Variants in SLC45A2 observed in about 807,000 individuals in gnomAD.
SLC45A2 encodes solute carrier family 45 member 2.
Under a neutral mutation model 45.5 loss-of-function variants are expected in SLC45A2, and 36 were observed. The ratio of observed to expected loss-of-function variants is 0.79; its 90% confidence interval spans 0.61 to 1.04. SLC45A2 has a LOEUF of 1.04. SLC45A2 is among the 50% of genes least tolerant of loss of function. The probability of loss-of-function intolerance (pLI) is 0.00; values close to 1 mark genes in which losing one functional copy is unlikely to be tolerated. For synonymous variants in SLC45A2, 306 were observed against 269.3 expected (o/e 1.14, Z -1.33); for missense variants, 719 against 671.0 (o/e 1.07, Z -0.79).
chr5:33,960,403 T>C (rs1021306524), intron 3 of SLC45A2, among the ~76,000 whole-genome samples: 1 of 152,142 alleles, frequency 6.6e-6, no homozygotes, highest in Non-Finnish European at 1.5e-5. Flanking sequence ...GTATCTTTTA[T>C]ATATATGATG....
rs928524065 is a variant in SLC45A2 at position 33,946,355 on chromosome 5, G to A, written c.1368+808C>T. On this transcript the variant is annotated intron_variant, in intron 6 of 6. Coordinates refer to ENST00000296589, the MANE Select transcript of SLC45A2 (RefSeq NM_016180.5). ...ACATGGCCAGAATTATAGTCTGATG[G>A]TTATATGTTCAGTGTTTTTGCAGTT... is the stretch of plus-strand genomic sequence containing the variant. 1.1e-4 allele frequency: 111 copies of A among 985,306 alleles called. 1 individual carries two copies. The highest frequency in any genetic ancestry group is 6.2e-5 in the Admixed American group (1 of 16,260). 61.0% of individuals were successfully genotyped at this position (985,306 alleles called of 1,614,324 possible).
chr5:33,981,010 G>A (rs900533059), intron 2 of SLC45A2, among the ~76,000 whole-genome samples: 34 of 152,144 alleles, frequency 2.2e-4, no homozygotes, highest in Admixed American at 1.8e-3. Flanking sequence ...ACAGAAGGAC[G>A]CCAGCGGGGT....
chr5:33,970,971 C>T (rs1309085580), intron 2 of SLC45A2: 2 of 483,566 alleles, frequency 4.1e-6, no homozygotes, highest in East Asian at 6.2e-5. Flanking sequence ...AAAGAATTTA[C>T]CAAACCGTAT....
At chr5:33,964,190 G>T (rs1454682009) in intron 2 of SLC45A2, among the ~76,000 whole-genome samples, 174 bp from the exon 3 acceptor site, 1 of 152,294 alleles carries the variant, frequency 6.6e-6, no homozygotes, top group East Asian at 1.9e-4. Context: ...GGCAATGTGG[G>T]TTCAAGTTTT....
At chr5:33,975,219 A>G (rs2111995485) in intron 2 of SLC45A2, among the ~76,000 whole-genome samples, 2 of 152,350 alleles carry the variant, frequency 1.3e-5, no homozygotes, top group South Asian at 4.1e-4. Flanking sequence ...TTAAATGAGC[A>G]TATTTGTCTA....
rs10067723 is a variant in SLC45A2 at position 33,947,936 on chromosome 5, C to T, written c.1157-562G>A. On this transcript the variant is annotated intron_variant, in intron 5 of 6. Transcript: ENST00000296589. ...GTACAATTATCTGAAGACACCTTCC[C>T]TGACTTGCCAATCCTTCCCAGACTG... Among the ~76,000 whole-genome samples the T allele has an allele frequency of 7.5e-3, 1,143 of 152,346 alleles. 14 individuals are homozygous for T. Among genetic ancestry groups the T allele is most frequent in the African/African-American group, 0.026 (1,082 of 41,574 alleles).
chr5:33,953,588 C>G (rs1459817245), intron 4 of SLC45A2, among the ~76,000 whole-genome samples: 1 of 149,212 alleles, frequency 6.7e-6, no homozygotes, highest in East Asian at 2.0e-4. Context: ...ACAACCGGTA[C>G]CAGCCGCTGC....
chr5:33,979,134 T>C (rs1753005226), intron 2 of SLC45A2, among the ~76,000 whole-genome samples: 1 of 152,210 alleles, frequency 6.6e-6, no homozygotes, highest in Non-Finnish European at 1.5e-5. Flanking sequence ...TCCTGAAACA[T>C]GTGCCCAAGG....
At chr5:33,964,394 A>G (rs1752543546) in intron 2 of SLC45A2, among the ~76,000 whole-genome samples, 1 of 152,248 alleles carries the variant, frequency 6.6e-6, no homozygotes, top group African/African-American at 2.4e-5. Flanking sequence ...TGCATTCTCT[A>G]GACTGCTTTT....
At chr5:33,957,729 C>T (rs1182853981) in intron 3 of SLC45A2, among the ~76,000 whole-genome samples, 1 of 152,174 alleles carries the variant, frequency 6.6e-6, no homozygotes, top group Non-Finnish European at 1.5e-5. Flanking sequence ...ACTTTCCTTC[C>T]TCTCCTTCCA....
rs577601363 is a variant in SLC45A2, at chr5:33,947,088, C to T, written c.1368+75G>A. 7.4e-6 allele frequency: 12 copies of T among 1,613,948 alleles called. No homozygotes were observed. The South Asian group carries it at 8.8e-5, about 12-fold the overall frequency. On this transcript the variant is annotated intron_variant, in intron 6 of 6. Transcript: ENST00000296589. ...CCTTATTTTCCAGCTCTGCTCTACA[C>T]ATTGCTACCAAATCCTCCCCAGCCT...
chr5:33,982,431 T>C lies in SLC45A2; in HGVS notation c.386-19A>G, dbSNP rs766110817. 9 of 1,612,148 alleles carry C rather than the reference T, an allele frequency of 5.6e-6. No homozygotes were observed. The highest frequency in any genetic ancestry group is 4.0e-5 in the African/African-American group (3 of 74,802). On this transcript the variant is annotated intron_variant, in intron 1 of 6. Coordinates refer to ENST00000296589, the MANE Select transcript of SLC45A2 (RefSeq NM_016180.5). ...ATCAAAGCTAAAAGAAAAATAAACA[T>C]TGGTCTCCTAAATCCTGTTTTAGAA... is the stretch of plus-strand genomic sequence containing the variant.
intron 2 of SLC45A2, among the ~76,000 whole-genome samples, chr5:33,976,898 G>A (rs1003193465): frequency 6.6e-6 from 1 of 152,198 alleles, no homozygotes; most frequent in East Asian, 1.9e-4. Context: ...GCTGGACTCA[G>A]CGGCAACAAG....
chr5:33,954,088 T>C (rs965847650), intron 4 of SLC45A2, among the ~76,000 whole-genome samples: 1 of 151,718 alleles, frequency 6.6e-6, no homozygotes, highest in African/African-American at 2.4e-5. Context: ...CAAAGAGACT[T>C]AGACTCCCAC....
rs1365820310 is a variant in SLC45A2 at position 33,954,327 on chromosome 5, T to C, written c.1032+34A>G. 2.5e-6 allele frequency: 4 copies of C among 1,613,742 alleles called. No individual in the cohort carries two copies. The East Asian group carries it at 6.7e-5, about 27-fold the overall frequency. On this transcript the variant is annotated intron_variant, in intron 4 of 6. Coordinates refer to ENST00000296589, the MANE Select transcript of SLC45A2 (RefSeq NM_016180.5). ...AGGTGTTAATGGAGGAAATGATGTG[T>C]AACAGTGATTGTGTGCACAGACACG...
chr5:33,952,268 G>A (rs1752130113), intron 4 of SLC45A2, among the ~76,000 whole-genome samples: 1 of 151,980 alleles, frequency 6.6e-6, no homozygotes, highest in Admixed American at 6.6e-5. Context: ...TGAGATTACA[G>A]GCATGATCCA....
intron 3 of SLC45A2, 21 bp downstream of exon 3, chr5:33,963,670 G>T: frequency 6.2e-7 from 1 of 1,611,602 alleles, no homozygotes; most frequent in Non-Finnish European, 8.5e-7. Flanking sequence ...CCCTTGTAAA[G>T]AAAAAATGTT....
chr5:33,984,649 C>G lies in SLC45A2; in HGVS notation c.-66G>C. On this transcript the variant is annotated 5_prime_UTR_variant, in exon 1 of 7. Transcript: ENST00000296589. ...CTGCGTGGTCCTAGGGTCTGTGTTT[C>G]AAACTGGATTTGACGTGGAGCCTGG... is the stretch of plus-strand genomic sequence containing the variant. The G allele has an allele frequency of 6.3e-7, 1 of 1,597,390 alleles. No individual in the cohort carries two copies. The highest frequency in any genetic ancestry group is 1.1e-5 in the South Asian group (1 of 90,704).
chr5:33,950,139 A>G (rs1752056494), intron 5 of SLC45A2, among the ~76,000 whole-genome samples: 2 of 152,146 alleles, frequency 1.3e-5, no homozygotes, highest in South Asian at 4.1e-4. Context: ...GCAGTGAGCC[A>G]TGATCATGCC....
Sources: allele counts gnomAD v4.1 joint callset (sites outside exome capture counted in the v4.1 genomes callset), GRCh38; gene constraint gnomAD v4.1.1; transcripts MANE v1.5; gene names NCBI Gene and HGNC (gene_info 2026-07-23, HGNC 2026-07-21).